PHF11: variants seen among roughly 807,000 people sequenced by gnomAD.
The protein encoded by PHF11 is BRCA1 C-terminus-associated protein.
A neutral mutation model predicts 40.5 loss-of-function variants in PHF11; 38 were observed. The observed-to-expected ratio is 0.94, with a 90% CI of 0.72 to 1.23. PHF11 has a LOEUF of 1.23. PHF11 is among the 50% of genes most tolerant of loss of function. The probability of loss-of-function intolerance (pLI) is 0.00; values close to 1 mark genes in which losing one functional copy is unlikely to be tolerated. For synonymous variants in PHF11, 127 were observed against 138.2 expected, an observed-to-expected ratio of 0.92 and a Z score of 0.57; for missense variants, 369 against 392.4, an observed-to-expected ratio of 0.94 and a Z score of 0.50.
intron 7 of PHF11, chr13:49,523,789 T>C (rs1381590619): frequency 1.4e-5 from 3 of 222,114 alleles, no homozygotes; most frequent in African/African-American, 4.7e-5. Flanking sequence ...CCAAAAGGTA[T>C]TGAAATTTAA....
chr13:49,525,108 TTAAAG>T (rs1239276348), intron 8 of PHF11, among the ~76,000 whole-genome samples: 4 of 152,308 alleles, frequency 2.6e-5, no homozygotes, highest in Non-Finnish European at 4.4e-5. Context: ...AACTCAAACT[TTAAAG>T]TATAGAAGAA....
At chr13:49,497,416 C>A (rs930392666) in intron 1 of PHF11, among the ~76,000 whole-genome samples, 13 of 152,170 alleles carry the variant, frequency 8.5e-5, no homozygotes, top group Admixed American at 7.2e-4. Context: ...CTTGCAAAAA[C>A]CTTAGTGGCT....
chr13:49,504,089 G>A (rs781339802), intron 1 of PHF11, among the ~76,000 whole-genome samples: 18 of 152,036 alleles, frequency 1.2e-4, no homozygotes, highest in Non-Finnish European at 2.4e-4. Context: ...TCACATTTGT[G>A]TCTTGTTATA....
intron 4 of PHF11, among the ~76,000 whole-genome samples, chr13:49,520,280 C>T (rs976598693): frequency 1.3e-5 from 2 of 152,164 alleles, no homozygotes; most frequent in African/African-American, 4.8e-5. Context: ...ATCTCTTGAC[C>T]TCGTGATCTG....
At chr13:49,496,117 G>T (rs1267821020) in intron 1 of PHF11, 22 bp downstream of exon 1, 5 of 1,153,444 alleles carry the variant, frequency 4.3e-6, no homozygotes, top group South Asian at 2.7e-5. Context: ...GGGGGCGGGC[G>T]GGCGGGCGGG....
At chr13:49,526,590 A>T (rs1566199250) in intron 9 of PHF11, 132 bp downstream of exon 9, 5 of 666,600 alleles carry the variant, frequency 7.5e-6, no homozygotes, top group Non-Finnish European at 1.1e-5. Flanking sequence ...GAGAAAAGCC[A>T]ATTACAAAAA....
At chr13:49,519,039 G>T (rs997772059) in intron 4 of PHF11, among the ~76,000 whole-genome samples, 1 of 151,880 alleles carries the variant, frequency 6.6e-6, no homozygotes, top group Non-Finnish European at 1.5e-5. Context: ...GTTTCACCGT[G>T]TTAGCCAGGA....
intron 4 of PHF11, among the ~76,000 whole-genome samples, chr13:49,520,348 C>T (rs1437260491): frequency 6.6e-6 from 1 of 152,218 alleles, no homozygotes. Context: ...TGCCCGGCCT[C>T]ACTTCATTTC....
At chr13:49,521,025 C>T (rs1566195802) in intron 5 of PHF11, 85 bp downstream of exon 5, 6 of 1,447,862 alleles carry the variant, frequency 4.1e-6, no homozygotes, top group Admixed American at 2.4e-5. Flanking sequence ...TTTCTAGCCT[C>T]GTTGAATTAA....
intron 7 of PHF11, 83 bp downstream of exon 7, chr13:49,523,324 C>T: frequency 1.2e-6 from 1 of 852,016 alleles, no homozygotes. Flanking sequence ...ACTTGGTATC[C>T]CGCCTAAATC....
chr13:49,519,767 G>T (rs1959178908), intron 4 of PHF11, among the ~76,000 whole-genome samples: 1 of 152,110 alleles, frequency 6.6e-6, no homozygotes, highest in Non-Finnish European at 1.5e-5. Context: ...TGTTTTATAT[G>T]TTTGAAAAAA....
At chr13:49,499,565 A>T (rs1366383008) in intron 1 of PHF11, among the ~76,000 whole-genome samples, 1 of 152,204 alleles carries the variant, frequency 6.6e-6, no homozygotes, top group Non-Finnish European at 1.5e-5. Flanking sequence ...TAGCCACTTC[A>T]TCCTGAGATA....
At chr13:49,525,654 T>TA (rs1959240045) in intron 8 of PHF11, 1 of 342,732 alleles carries the variant, frequency 2.9e-6, no homozygotes, top group African/African-American at 2.2e-5. Context: ...GGCAACAATA[T>TA]AAAAAATGTT....
chr13:49,500,281 G>A (rs1300639029), intron 1 of PHF11, among the ~76,000 whole-genome samples: 1 of 152,164 alleles, frequency 6.6e-6, no homozygotes, highest in South Asian at 2.1e-4. Flanking sequence ...CTTGGTCCCA[G>A]CTACTGATGA....
At chr13:49,513,635 T>C (rs1959110063) in intron 3 of PHF11, among the ~76,000 whole-genome samples, 1 of 119,412 alleles carries the variant, frequency 8.4e-6, no homozygotes, top group African/African-American at 2.7e-5. Context: ...CCGGCCAACA[T>C]TTAATATTTT....
intron 3 of PHF11, among the ~76,000 whole-genome samples, chr13:49,515,848 T>C: frequency 6.6e-6 from 1 of 152,142 alleles, no homozygotes; most frequent in East Asian, 1.9e-4. Context: ...TGCAGAAAGA[T>C]AAAACCCAAC....
In PHF11 at chr13:49,496,107, G is replaced by A; in HGVS notation, c.94+12G>A. The A allele has an allele frequency of 5.4e-6, 2 of 370,888 alleles. No individual in the cohort carries two copies. Among genetic ancestry groups the A allele is most frequent in the Non-Finnish European group, 7.5e-6 (2 of 267,044 alleles). The allele number at this position is 370,888 out of a possible 1,614,324, so 23.0% of individuals were successfully genotyped here. On this transcript the variant is annotated intron_variant, in intron 1 of 9. Coordinates refer to ENST00000378319, the MANE Select transcript of PHF11 (RefSeq NM_001040443.3). ...CCTCCTTCCCACCGGTGTGTACCGC[G>A]GGGGCGGGCGGGCGGGCGGGCGGGG... is the stretch of plus-strand genomic sequence containing the variant.
chr13:49,514,621 AGT>A (rs1326240430), intron 3 of PHF11, among the ~76,000 whole-genome samples: 1 of 152,016 alleles, frequency 6.6e-6, no homozygotes, highest in Non-Finnish European at 1.5e-5. Flanking sequence ...AGCCCGACAC[AGT>A]GGCATATACC....
At position 49,521,609 on chromosome 13, in the gene PHF11, CA is replaced by C. The variant is rs147574602; in HGVS notation, c.506-433del. The C allele has an allele frequency of 2.6e-3, 1,018 of 398,008 alleles. 7 individuals carry two copies. The highest frequency in any genetic ancestry group is 0.02 in the African/African-American group (918 of 46,202). 24.7% of individuals were successfully genotyped at this position (398,008 alleles called of 1,614,324 possible). ...ACTTCTTTAAATCAGTGTTTATTGA[CA>C]GGGAAAAGCACCAGCAATACACACT... On this transcript the variant is annotated intron_variant, in intron 5 of 9. Coordinates refer to ENST00000378319, the MANE Select transcript of PHF11 (RefSeq NM_001040443.3).
Sources: allele counts gnomAD v4.1 joint callset (sites outside exome capture counted in the v4.1 genomes callset), GRCh38; gene constraint gnomAD v4.1.1; transcripts MANE v1.5; gene names NCBI Gene and HGNC (gene_info 2026-07-23, HGNC 2026-07-21).